Variants in ZNF208 observed in about 807,000 individuals in gnomAD.
ZNF208 encodes the protein zinc finger protein 208.
In ZNF208, 10 loss-of-function variants were observed where a neutral mutation model predicts 12.1. The observed-to-expected ratio is 0.83, with a 90% CI of 0.51 to 1.40. The LOEUF (loss-of-function observed/expected upper bound fraction) is 1.40, where lower values mean the gene tolerates loss of function less well. Among genes scored for constraint, ZNF208 ranks in the 40% most tolerant of loss-of-function variants. The pLI, the probability that ZNF208 is intolerant of heterozygous loss-of-function variation, is 0.00. For missense variants in ZNF208, 1,652 were observed against 1,485.0 expected (o/e 1.11, Z -1.85); for synonymous variants, 497 against 488.4 (o/e 1.02, Z -0.23).
chr19:21,994,363 T>TA (rs949953065), intron 1 of ZNF208, among the ~76,000 whole-genome samples: 1 of 152,186 alleles, frequency 6.6e-6, no homozygotes, highest in African/African-American at 2.4e-5. Flanking sequence ...ACACCAGCTC[T>TA]AAAAAGGCAA....
intron 1 of ZNF208, among the ~76,000 whole-genome samples, chr19:21,993,723 C>T (rs1970779965): frequency 6.6e-6 from 1 of 151,650 alleles, no homozygotes. Context: ...AATGCAGAGT[C>T]CCTTACACGC....
At position 21,970,671 on chromosome 19, in the gene ZNF208, G is replaced by C. The variant is rs779629885; in HGVS notation, c.*520C>G. ...GGTTTGAGGACTGGTTGAAGCCTTT[G>C]CCACATTCTTCTCATTTGTAGAGTT... is the stretch of plus-strand genomic sequence containing the variant. On this transcript the variant is annotated 3_prime_UTR_variant, in exon 4 of 4. Coordinates refer to ENST00000397126, the MANE Select transcript of ZNF208 (RefSeq NM_007153.3). 1 of 1,075,670 alleles carries C rather than the reference G, an allele frequency of 9.3e-7. No individual in the cohort carries two copies. Among genetic ancestry groups the C allele is most frequent in the South Asian group, 1.2e-5 (1 of 80,476 alleles). The allele number at this position is 1,075,670 out of a possible 1,614,324, so 66.6% of individuals were successfully genotyped here.
chr19:21,982,981 A>G (rs141034045), intron 3 of ZNF208, among the ~76,000 whole-genome samples: 3,149 of 152,296 alleles, frequency 0.021, 42 homozygotes, highest in Non-Finnish European at 0.031. Flanking sequence ...AAAACACCAA[A>G]AACAATGGCA....
intron 1 of ZNF208, among the ~76,000 whole-genome samples, chr19:22,007,592 A>G (rs1261524203): frequency 6.6e-6 from 1 of 151,984 alleles, no homozygotes; most frequent in Non-Finnish European, 1.5e-5. Flanking sequence ...GAGAATTTTC[A>G]ACAAATAAAA....
At chr19:22,008,894 G>A (rs2145590948) in intron 1 of ZNF208, among the ~76,000 whole-genome samples, 1 of 152,210 alleles carries the variant, frequency 6.6e-6, no homozygotes, top group African/African-American at 2.4e-5. Flanking sequence ...ACCTCAGGTT[G>A]TCTTATGGGA....
At position 21,971,950 on chromosome 19, in the gene ZNF208, G is replaced by T. The variant is rs988706371; in HGVS notation, c.3084C>A (p.Pro1028=). The part of the protein sequence containing the change: ...EHKKIHTGET[P]YKCEECDKAF... ...CTTTGTCACATTCTTCACATTTGTA[G>T]GGTGTCTCTCCAGTGTGAATTTTCT... Residue 1028 remains proline (P), a synonymous_variant, in exon 4 of 4, where the codon CCC becomes CCA. Coordinates refer to ENST00000397126, the MANE Select transcript of ZNF208 (RefSeq NM_007153.3). 13 of 1,576,326 alleles carry T rather than the reference G, an allele frequency of 8.2e-6. 1 individual carries two copies. The African/African-American group carries it at 1.6e-4, about 20-fold the overall frequency.
At position 21,973,322 on chromosome 19, in the gene ZNF208, T is replaced by C. The variant is rs533448436; in HGVS notation, c.1712A>G (p.His571Arg). The C allele has an allele frequency of 2.0e-5, 32 of 1,610,404 alleles. No individual in the cohort carries two copies. Among genetic ancestry groups the C allele is most frequent in the African/African-American group, 1.9e-4 (14 of 75,010 alleles). ...AYKWSSTLSY[H>R]KKIHTVEKPY... ...TTTCTCTACAGTATGAATTTTCTTA[T>C]GATAACTAAGGGTTGAGGACCACTT... Residue 571 changes from histidine (H) to arginine (R), a missense_variant, in exon 4 of 4, where the codon CAT (histidine) becomes CGT (arginine). His to Arg is a conservative substitution (Grantham distance 29, BLOSUM62 0). This residue lies in a region of ZNF208 where 1,239 missense variants were observed against 1,086.2 expected (regional missense o/e 1.14). Coordinates refer to ENST00000397126, the MANE Select transcript of ZNF208 (RefSeq NM_007153.3).
At chr19:21,975,696 AT>A (rs1467363331) in intron 3 of ZNF208, among the ~76,000 whole-genome samples, 5 of 152,036 alleles carry the variant, frequency 3.3e-5, no homozygotes, top group Non-Finnish European at 7.4e-5. Context: ...ATAACACTCA[AT>A]GAGTGAAATA....
chr19:21,978,231 C>G (rs1185033048), intron 3 of ZNF208, among the ~76,000 whole-genome samples: 1 of 152,188 alleles, frequency 6.6e-6, no homozygotes, highest in Non-Finnish European at 1.5e-5. Context: ...TGCTAAGGGT[C>G]AGACTGCCAC....
At chr19:21,989,006 GACTT>G in intron 1 of ZNF208, 97 bp from the exon 2 acceptor site, 2 of 1,480,092 alleles carry the variant, frequency 1.4e-6, no homozygotes, top group Middle Eastern at 3.5e-4. Flanking sequence ...AGCTGGTTCT[GACTT>G]ATAAGCATGA....
At position 22,008,302 on chromosome 19, in the gene ZNF208, C is replaced by CA. The variant is rs71180503; in HGVS notation, c.3+2489dup. ...TGGGTGACAGAATGAGACTCTATCT[C>CA]AAAAAAAAAAAAAAGAAAAAAAAAA... is the stretch of plus-strand genomic sequence containing the variant. On this transcript the variant is annotated intron_variant, in intron 1 of 3. Transcript: ENST00000397126. Among the ~76,000 whole-genome samples, 153 of 98,780 alleles carry CA rather than the reference C, an allele frequency of 1.5e-3. 2 individuals carry two copies. Among genetic ancestry groups the CA allele is most frequent in the South Asian group, 3.2e-3 (8 of 2,494 alleles). 64.8% of individuals were successfully genotyped at this position (98,780 alleles called of 152,430 possible).
At chr19:22,005,772 C>A (rs1458787667) in intron 1 of ZNF208, among the ~76,000 whole-genome samples, 1 of 152,060 alleles carries the variant, frequency 6.6e-6, no homozygotes, top group African/African-American at 2.4e-5. Context: ...TATACAACCC[C>A]CAAAAAGTCA....
chr19:21,980,236 A>C (rs1386358461), intron 3 of ZNF208, among the ~76,000 whole-genome samples: 4 of 152,214 alleles, frequency 2.6e-5, no homozygotes, highest in African/African-American at 9.6e-5. Context: ...CCAAATAGAC[A>C]TCTACAGGAC....
At chr19:21,956,075 G>A (rs1969971207) in intron 4 of ZNF208, among the ~76,000 whole-genome samples, 1 of 152,242 alleles carries the variant, frequency 6.6e-6, no homozygotes, top group African/African-American at 2.4e-5. Flanking sequence ...CTCAGCTGCA[G>A]GTCTATTGTA....
chr19:21,993,254 C>A (rs1036014237), intron 1 of ZNF208, among the ~76,000 whole-genome samples: 3 of 152,078 alleles, frequency 2.0e-5, no homozygotes, highest in South Asian at 2.1e-4. Context: ...AAATATGGGC[C>A]ACGCTGTACT....
intron 4 of ZNF208, among the ~76,000 whole-genome samples, chr19:21,949,756 C>A (rs1227013894): frequency 6.6e-6 from 1 of 152,138 alleles, no homozygotes; most frequent in Non-Finnish European, 1.5e-5. Flanking sequence ...GTTACCTAAG[C>A]AAGAAACTTG....
At chr19:21,946,864 C>A (rs1239938092) in intron 4 of ZNF208, among the ~76,000 whole-genome samples, 4 of 152,082 alleles carry the variant, frequency 2.6e-5, no homozygotes, top group East Asian at 1.9e-4. Context: ...TGAGTCTATA[C>A]CTCAGTGTTA....
At chr19:21,960,966 TA>T (rs138217777) in intron 4 of ZNF208, among the ~76,000 whole-genome samples, 2,243 of 152,274 alleles carry the variant, frequency 0.015, 60 homozygotes, top group African/African-American at 0.051. Context: ...TTCCACTTAA[TA>T]AATAGTGATT....
downstream of ZNF208, among the ~76,000 whole-genome samples, chr19:21,962,781 T>A (rs1235102548): frequency 6.6e-6 from 1 of 152,138 alleles, no homozygotes; most frequent in Non-Finnish European, 1.5e-5. Flanking sequence ...AATAAGCAGA[T>A]GCATCAATAA....
Sources: allele counts gnomAD v4.1 joint callset (sites outside exome capture counted in the v4.1 genomes callset), GRCh38; gene constraint gnomAD v4.1.1; regional missense constraint gnomAD v4.1.1; transcripts MANE v1.5; gene names NCBI Gene and HGNC (gene_info 2026-07-23, HGNC 2026-07-21).